The following PIP5K1B variants were observed in gnomAD, a reference collection of about 807,000 sequenced individuals.
PIP5K1B encodes phosphatidylinositol-4-phosphate 5-kinase type 1 beta, also known as phosphatidylinositol 4-phosphate 5-kinase type-1 beta.
PIP5K1B carries 42 observed loss-of-function variants against 67.0 expected under a neutral mutation model. The observed-to-expected ratio is 0.63, with a 90% CI of 0.49 to 0.81. PIP5K1B has a LOEUF of 0.81. Among genes scored for constraint, PIP5K1B ranks in the 30% least tolerant of loss-of-function variants. The pLI, the probability that PIP5K1B is intolerant of heterozygous loss-of-function variation, is 0.00. For synonymous variants in PIP5K1B, 214 were observed against 231.4 expected (o/e 0.92, Z 0.68); for missense variants, 459 against 646.3 (o/e 0.71, Z 3.14).
chr9:68,899,838 C>G (rs945574), intron 8 of PIP5K1B, among the ~76,000 whole-genome samples: 148,004 of 152,280 alleles, frequency 0.97, 72,057 homozygotes, highest in East Asian at 1. Flanking sequence ...TGAGGGTTTG[C>G]TGTACAGATT....
intron 13 of PIP5K1B, 114 bp downstream of exon 13, chr9:68,935,159 T>G: frequency 2.2e-6 from 2 of 891,864 alleles, no homozygotes; most frequent in South Asian, 3.2e-5. Context: ...AATATATTAA[T>G]TAAGTTTTTA....
chr9:68,871,902 C>T (rs1218456404), intron 5 of PIP5K1B, among the ~76,000 whole-genome samples: 3 of 56,228 alleles, frequency 5.3e-5, no homozygotes, highest in East Asian at 6.9e-4. Context: ...AGTCAGTTGT[C>T]GGGTGTTTTT....
chr9:68,767,850 ATTC>A (rs2132412176), intron 2 of PIP5K1B, among the ~76,000 whole-genome samples: 1 of 152,270 alleles, frequency 6.6e-6, no homozygotes, highest in South Asian at 2.1e-4. Context: ...ACTGAACTAT[ATTC>A]TTTAAAAGGG....
At chr9:68,780,261 A>G (rs1423369650) in intron 2 of PIP5K1B, 2 of 1,558,308 alleles carry the variant, frequency 1.3e-6, no homozygotes, top group Non-Finnish European at 1.7e-6. Context: ...CGGGGGCCTC[A>G]GGAGGTCTAA....
chr9:68,885,658 G>A (rs1587615463), intron 6 of PIP5K1B, among the ~76,000 whole-genome samples: 1 of 141,118 alleles, frequency 7.1e-6, no homozygotes, highest in East Asian at 2.5e-4. Flanking sequence ...ATGCAGAGTG[G>A]TATAATGGAC....
At chr9:68,976,791 A>T (rs1829650214) in intron 14 of PIP5K1B, among the ~76,000 whole-genome samples, 1 of 152,132 alleles carries the variant, frequency 6.6e-6, no homozygotes, top group Non-Finnish European at 1.5e-5. Flanking sequence ...GCCACCACTG[A>T]TTACTGCCTA....
chr9:68,754,800 T>C (rs965503456), intron 2 of PIP5K1B, among the ~76,000 whole-genome samples: 4 of 152,224 alleles, frequency 2.6e-5, no homozygotes, highest in Non-Finnish European at 5.9e-5. Flanking sequence ...CATCTTTTTT[T>C]CTGATTTTAA....
At chr9:68,804,282 G>C (rs1832750607) in intron 2 of PIP5K1B, among the ~76,000 whole-genome samples, 2 of 152,132 alleles carry the variant, frequency 1.3e-5, no homozygotes, top group Admixed American at 1.3e-4. Flanking sequence ...ATCTGATAAA[G>C]CTCCAGACAG....
chr9:68,717,638 T>G (rs918296404), intron 1 of PIP5K1B, among the ~76,000 whole-genome samples: 4 of 152,070 alleles, frequency 2.6e-5, no homozygotes, highest in African/African-American at 9.7e-5. Context: ...GGGATCTCCT[T>G]TATAAGAGCC....
At chr9:68,923,878 A>G (rs1826538271) in intron 12 of PIP5K1B, among the ~76,000 whole-genome samples, 1 of 152,208 alleles carries the variant, frequency 6.6e-6, no homozygotes, top group Non-Finnish European at 1.5e-5. Flanking sequence ...CATACAAAGT[A>G]TCTTTTCTGA....
chr9:68,760,343 G>A (rs886190832), intron 2 of PIP5K1B, among the ~76,000 whole-genome samples: 1 of 152,102 alleles, frequency 6.6e-6, no homozygotes, highest in South Asian at 2.1e-4. Flanking sequence ...CCAACCTGAA[G>A]CAAACAGAAG....
intron 10 of PIP5K1B, 29 bp from the exon 11 acceptor site, chr9:68,919,652 C>A: frequency 1.4e-6 from 2 of 1,467,542 alleles, no homozygotes; most frequent in South Asian, 1.2e-5. Flanking sequence ...ATTTTACATT[C>A]TCATTTCAAT....
At chr9:68,954,354 T>C (rs556956316) in intron 14 of PIP5K1B, among the ~76,000 whole-genome samples, 3 of 152,168 alleles carry the variant, frequency 2.0e-5, no homozygotes, top group Non-Finnish European at 4.4e-5. Flanking sequence ...TTAGATGAGA[T>C]GTGTTTCATC....
In PIP5K1B at chr9:68,790,728, G is replaced by T. The variant is rs1334430795; in HGVS notation, c.-85-27733G>T. The stretch of plus-strand genomic sequence containing the variant: ...ATTTTTCCCTTCATTTTCTTAAACA[G>T]AAACTTGGGCTTTGTAAATGATACT... On this transcript the variant is annotated intron_variant, in intron 2 of 15. Coordinates refer to ENST00000265382, the MANE Select transcript of PIP5K1B (RefSeq NM_003558.4). 1.3e-5 allele frequency among the ~76,000 whole-genome samples: 2 copies of T among 152,122 alleles called. 1 individual carries two copies. The highest frequency in any genetic ancestry group is 4.8e-5 in the African/African-American group (2 of 41,404).
intron 12 of PIP5K1B, among the ~76,000 whole-genome samples, chr9:68,926,990 A>T (rs992186912): frequency 1.3e-5 from 2 of 152,118 alleles, no homozygotes; most frequent in African/African-American, 4.8e-5. Flanking sequence ...TTCTGTCTCT[A>T]TGGTTTTGCC....
intron 4 of PIP5K1B, among the ~76,000 whole-genome samples, chr9:68,842,644 C>T (rs777160538): frequency 1.6e-4 from 25 of 152,210 alleles, no homozygotes; most frequent in Admixed American, 1.6e-3. Flanking sequence ...CACCACCCCT[C>T]CAGAGGGCAT....
chr9:68,706,640 AG>A (rs1445862558), intron 1 of PIP5K1B, among the ~76,000 whole-genome samples: 1 of 152,220 alleles, frequency 6.6e-6, no homozygotes, highest in African/African-American at 2.4e-5. Flanking sequence ...GTTACAGATC[AG>A]AAATAACACC....
chr9:68,966,588 A>G (rs955336202), intron 14 of PIP5K1B: 1 of 152,244 alleles, frequency 6.6e-6, no homozygotes, highest in Non-Finnish European at 1.5e-5. Flanking sequence ...AAGGTCATCA[A>G]AAACAAGAAG....
intron 12 of PIP5K1B, among the ~76,000 whole-genome samples, chr9:68,926,610 C>T (rs559046483): frequency 4.7e-4 from 71 of 152,206 alleles, no homozygotes; most frequent in African/African-American, 1.6e-3. Context: ...CTCACTCTGT[C>T]GCCCAGGTTG....
Sources: allele counts gnomAD v4.1 joint callset (sites outside exome capture counted in the v4.1 genomes callset), GRCh38; gene constraint gnomAD v4.1.1; transcripts MANE v1.5; gene names NCBI Gene and HGNC (gene_info 2026-07-23, HGNC 2026-07-21).